ROBO2: variants seen among roughly 807,000 people sequenced by gnomAD.
ROBO2 encodes the protein roundabout guidance receptor 2.
In ROBO2, 53 loss-of-function variants were observed where a neutral mutation model predicts 160.8. The ratio of observed to expected loss-of-function variants is 0.33; its 90% CI spans 0.26 to 0.41. The LOEUF (loss-of-function observed/expected upper bound fraction) is 0.41. Among genes scored for constraint, ROBO2 ranks in the 10% least tolerant of loss-of-function variants. The pLI, the probability that ROBO2 is intolerant of heterozygous loss-of-function variation, is 1.00. For missense variants in ROBO2, 1,577 were observed against 1,722.4 expected (o/e 0.92, Z 1.49); for synonymous variants, 664 against 611.7 (o/e 1.09, Z -1.26).
chr3:77,289,942 G>A (rs572546128), intron 2 of ROBO2, among the ~76,000 whole-genome samples: 13 of 151,918 alleles, frequency 8.6e-5, no homozygotes, highest in Non-Finnish European at 1.9e-4. Flanking sequence ...AAACGGGTAA[G>A]CTGAGGCTAG....
intron 2 of ROBO2, among the ~76,000 whole-genome samples, chr3:77,202,948 C>T (rs2083055584): frequency 6.6e-6 from 1 of 152,180 alleles, no homozygotes; most frequent in African/African-American, 2.4e-5. Flanking sequence ...CAGAGATGCC[C>T]TTATCCACAG....
At chr3:77,577,642 C>G (rs769280657) in intron 15 of ROBO2, 28 bp downstream of exon 16, 1 of 1,612,484 alleles carries the variant, frequency 6.2e-7, no homozygotes, top group East Asian at 2.2e-5. Flanking sequence ...AAGGACAGCT[C>G]TCATGTAAAG....
At chr3:77,322,074 C>A (rs957590404) in intron 2 of ROBO2, among the ~76,000 whole-genome samples, 1 of 152,078 alleles carries the variant, frequency 6.6e-6, no homozygotes, top group Non-Finnish European at 1.5e-5. Context: ...TAGAGCAAGT[C>A]CTAAGCAGGC....
intron 2 of ROBO2, among the ~76,000 whole-genome samples, chr3:76,217,657 T>A (rs1316391100): frequency 3.3e-5 from 5 of 152,128 alleles, no homozygotes; most frequent in African/African-American, 1.2e-4. Flanking sequence ...GCTCTGAAAT[T>A]GAGGCAATAA....
intron 2 of ROBO2, among the ~76,000 whole-genome samples, chr3:76,331,689 A>C: frequency 7.5e-6 from 1 of 133,158 alleles, no homozygotes. Flanking sequence ...GTAATATTTG[A>C]ATTTTTTTTT....
At position 76,642,341 on chromosome 3, in the gene ROBO2, C is replaced by CTTTTT. The variant is rs71104611; in HGVS notation, c.110-455648_110-455644dup. Among the ~76,000 whole-genome samples, 240 of 62,214 alleles carry CTTTTT rather than the reference C, an allele frequency of 3.9e-3. 30 individuals are homozygous for CTTTTT. Among genetic ancestry groups the CTTTTT allele is most frequent in the African/African-American group, 0.012 (169 of 13,902 alleles). The allele number at this position is 62,214 out of a possible 152,430, so 40.8% of individuals were successfully genotyped here. A position where few individuals can be genotyped will look rare whatever the true frequency, so the allele number is the denominator to read the frequency against. ...GCTAATTCAGAAATATTTACACTTG[C>CTTTTT]TTTTTTTTTTTTTTTTTTTTTTTTT... On this transcript the variant is annotated intron_variant, in intron 2 of 26. Coordinates refer to the ROBO2 transcript ENST00000487694.
At chr3:77,223,354 T>C (rs1202644940) in intron 2 of ROBO2, among the ~76,000 whole-genome samples, 8 of 152,124 alleles carry the variant, frequency 5.3e-5, no homozygotes, top group Non-Finnish European at 1.2e-4. Context: ...TTAACGGATA[T>C]TGAAACTAAA....
chr3:76,944,685 A>G (rs1345263981), intron 2 of ROBO2, among the ~76,000 whole-genome samples: 4 of 152,210 alleles, frequency 2.6e-5, no homozygotes, highest in Non-Finnish European at 5.9e-5. Context: ...GGCCATGCAT[A>G]AAGCTTAGAC....
intron 2 of ROBO2, among the ~76,000 whole-genome samples, chr3:76,751,963 A>G (rs1011179887): frequency 1.3e-5 from 2 of 152,152 alleles, no homozygotes; most frequent in African/African-American, 4.8e-5. Context: ...GATGTTTATA[A>G]ATCATACTCC....
intron 1 of ROBO2, among the ~76,000 whole-genome samples, chr3:77,043,422 G>A (rs1464263454): frequency 1.3e-5 from 2 of 152,124 alleles, no homozygotes; most frequent in Non-Finnish European, 2.9e-5. Context: ...TATAGTATAT[G>A]AAAAATGGTA....
intron 2 of ROBO2, among the ~76,000 whole-genome samples, chr3:77,100,883 A>G (rs1451822443): frequency 6.6e-6 from 1 of 152,196 alleles, no homozygotes; most frequent in Non-Finnish European, 1.5e-5. Context: ...TTTCACAGTG[A>G]TTTAAGGTCA....
At chr3:76,234,171 A>G (rs1033745002) in intron 2 of ROBO2, among the ~76,000 whole-genome samples, 2 of 152,202 alleles carry the variant, frequency 1.3e-5, no homozygotes, top group Admixed American at 6.5e-5. Context: ...TCATGGTTGC[A>G]TAGTATTCCA....
chr3:76,365,062 CTAA>C (rs2075734653), intron 2 of ROBO2, among the ~76,000 whole-genome samples: 1 of 148,666 alleles, frequency 6.7e-6, no homozygotes, highest in African/African-American at 2.5e-5. Flanking sequence ...GAGTGATTTT[CTAA>C]TAAGAAGCCA....
chr3:76,875,330 G>A (rs948420621), intron 2 of ROBO2, among the ~76,000 whole-genome samples: 2 of 152,172 alleles, frequency 1.3e-5, no homozygotes, highest in African/African-American at 4.8e-5. Flanking sequence ...CCAGTCTCAG[G>A]TGTTTTGCTA....
At chr3:76,947,326 A>C (rs547990396) in intron 2 of ROBO2, among the ~76,000 whole-genome samples, 1 of 152,268 alleles carries the variant, frequency 6.6e-6, no homozygotes, top group African/African-American at 2.4e-5. Flanking sequence ...TTTTTTTCTA[A>C]AAGAATTTCA....
chr3:77,050,344 A>AAGAAGCACTAAAACAATTGG, intron 1 of ROBO2, among the ~76,000 whole-genome samples: 4 of 119,718 alleles, frequency 3.3e-5, no homozygotes, highest in African/African-American at 1.4e-4. Flanking sequence ...TATTCTAAGT[A>AAGAAGCACTAAAACAATTGG]CCTTTGAATG....
At chr3:76,634,769 C>A (rs1477587886) in intron 2 of ROBO2, among the ~76,000 whole-genome samples, 1 of 152,196 alleles carries the variant, frequency 6.6e-6, no homozygotes, top group Non-Finnish European at 1.5e-5. Flanking sequence ...CCCCAGAGCA[C>A]CAGACTGATA....
At chr3:77,102,183 C>T (rs767161527) in intron 2 of ROBO2, among the ~76,000 whole-genome samples, 5 of 152,214 alleles carry the variant, frequency 3.3e-5, no homozygotes, top group Non-Finnish European at 5.9e-5. Context: ...GTAGCAAATG[C>T]TGCCGGGTCT....
chr3:76,225,417 T>C (rs1704224646), intron 2 of ROBO2, among the ~76,000 whole-genome samples: 1 of 152,204 alleles, frequency 6.6e-6, no homozygotes, highest in South Asian at 2.1e-4. Context: ...TATTTCCTAA[T>C]TTGAAAATGA....
Sources: gnomAD v4.1 joint callset for allele counts (sites outside exome capture counted in the v4.1 genomes callset) on GRCh38, gnomAD v4.1.1 for gene constraint, MANE v1.5 for transcripts, NCBI Gene and HGNC (gene_info 2026-07-23, HGNC 2026-07-21) for gene names.